SMYD3: variants seen among roughly 807,000 people sequenced by gnomAD.
SMYD3 encodes SET and MYND domain containing 3.
Under a neutral mutation model 57.7 loss-of-function variants are expected in SMYD3, and 36 were observed. The observed-to-expected ratio is 0.62, with a 90% CI of 0.48 to 0.82. The LOEUF (loss-of-function observed/expected upper bound fraction) is 0.82. Among genes scored for constraint, SMYD3 ranks in the 40% least tolerant of loss-of-function variants. The pLI, the probability that SMYD3 is intolerant of heterozygous loss-of-function variation, is 0.00. For missense variants in SMYD3, 515 were observed against 538.8 expected (o/e 0.96, Z 0.44); for synonymous variants, 211 against 195.0 (o/e 1.08, Z -0.68).
chr1:246,159,816 G>A (rs549312528), intron 5 of SMYD3, among the ~76,000 whole-genome samples: 2 of 151,988 alleles, frequency 1.3e-5, no homozygotes, highest in Admixed American at 1.3e-4. Flanking sequence ...GTCCTGGAGT[G>A]GGGGGAGTAC....
chr1:245,909,558 CTT>C (rs139813943), intron 8 of SMYD3, among the ~76,000 whole-genome samples: 1 of 151,786 alleles, frequency 6.6e-6, no homozygotes, highest in African/African-American at 2.4e-5. Context: ...CATAGACACA[CTT>C]TTTTTTCAAC....
At chr1:245,982,229 G>A (rs2058612284) in intron 5 of SMYD3, among the ~76,000 whole-genome samples, 5 of 152,140 alleles carry the variant, frequency 3.3e-5, no homozygotes. Context: ...CCACCTTCTG[G>A]GCTTAAGTGA....
chr1:246,193,469 A>C (rs1438034561), intron 5 of SMYD3, among the ~76,000 whole-genome samples: 1 of 152,226 alleles, frequency 6.6e-6, no homozygotes, highest in African/African-American at 2.4e-5. Flanking sequence ...ATAAAACTCT[A>C]GACTAAGTCC....
intron 5 of SMYD3, among the ~76,000 whole-genome samples, chr1:246,268,631 G>C (rs749196024): frequency 2.6e-5 from 4 of 152,102 alleles, no homozygotes; most frequent in Non-Finnish European, 5.9e-5. Context: ...TTGAACCTGG[G>C]AGGCGGAGGT....
chr1:246,435,952 G>A (rs1055207007), intron 1 of SMYD3, among the ~76,000 whole-genome samples: 3 of 152,166 alleles, frequency 2.0e-5, no homozygotes, highest in African/African-American at 7.2e-5. Flanking sequence ...GACCTTAATA[G>A]TCTTTGTATC....
intron 1 of SMYD3, among the ~76,000 whole-genome samples, chr1:246,373,717 T>A (rs760990817): frequency 6.6e-6 from 1 of 152,230 alleles, no homozygotes; most frequent in Non-Finnish European, 1.5e-5. Context: ...CAACTTCATC[T>A]GATGGTTCAT....
chr1:245,778,314 A>C (rs1236002470), intron 10 of SMYD3, among the ~76,000 whole-genome samples: 3 of 152,236 alleles, frequency 2.0e-5, no homozygotes, highest in African/African-American at 7.2e-5. Flanking sequence ...ACTGGCAAAG[A>C]GATAGACACA....
chr1:245,796,526 T>C (rs943688663), intron 10 of SMYD3, among the ~76,000 whole-genome samples: 1 of 152,178 alleles, frequency 6.6e-6, no homozygotes, highest in African/African-American at 2.4e-5. Flanking sequence ...GCAGCATGAA[T>C]GGGCTAGCAT....
At chr1:246,467,365 C>A (rs911690645) in intron 1 of SMYD3, among the ~76,000 whole-genome samples, 3 of 151,646 alleles carry the variant, frequency 2.0e-5, no homozygotes, top group Admixed American at 6.6e-5. Flanking sequence ...AATATAAGAG[C>A]AGAAATAAAT....
intron 2 of SMYD3, among the ~76,000 whole-genome samples, chr1:246,346,072 C>T (rs1282934469): frequency 3.3e-5 from 5 of 152,142 alleles, no homozygotes; most frequent in Non-Finnish European, 7.3e-5. Context: ...ATCAAGAGGT[C>T]AGGAGATCGA....
At chr1:245,900,983 A>G (rs1013628041) in intron 8 of SMYD3, among the ~76,000 whole-genome samples, 2 of 152,210 alleles carry the variant, frequency 1.3e-5, no homozygotes, top group African/African-American at 2.4e-5. Context: ...AGAATATTCA[A>G]CTTTTCCCAC....
intron 2 of SMYD3, among the ~76,000 whole-genome samples, chr1:246,339,793 G>T (rs1353611040): frequency 1.3e-5 from 2 of 152,200 alleles, no homozygotes; most frequent in Non-Finnish European, 2.9e-5. Flanking sequence ...GCAACAGTGG[G>T]TTTGCTATAA....
At position 246,226,396 on chromosome 1, in the gene SMYD3, GATTT is replaced by G. The variant is rs146549294; in HGVS notation, c.531+100801_531+100804del. On this transcript the variant is annotated intron_variant, in intron 5 of 11. Transcript: ENST00000490107. ...GTTAAAGATGAGGCCATGTACTACA[GATTT>G]ATTTAATCTACATGAGACCTAAGAT... Among the ~76,000 whole-genome samples, 1,150 of 152,262 alleles carry G rather than the reference GATTT, an allele frequency of 7.6e-3. 14 individuals are homozygous for G. Among genetic ancestry groups the G allele is most frequent in the African/African-American group, 0.026 (1,078 of 41,552 alleles).
At chr1:246,436,190 G>GAAA (rs56349877) in intron 1 of SMYD3, among the ~76,000 whole-genome samples, 3 of 141,430 alleles carry the variant, frequency 2.1e-5, no homozygotes. Flanking sequence ...TTTCTTATTT[G>GAAA]AAAAAAAAAA....
chr1:246,259,985 G>C (rs77072871), intron 5 of SMYD3, among the ~76,000 whole-genome samples: 2,104 of 152,242 alleles, frequency 0.014, 44 homozygotes, highest in African/African-American at 0.047. Context: ...GGCTCCCCCT[G>C]AACCAAGATC....
chr1:246,279,248 C>T (rs1206194605), intron 5 of SMYD3, among the ~76,000 whole-genome samples: 9 of 152,162 alleles, frequency 5.9e-5, no homozygotes, highest in Non-Finnish European at 1.0e-4. Flanking sequence ...CAGCCGGGCG[C>T]GGTGGCTCAC....
chr1:246,442,734 G>A (rs578188190), intron 1 of SMYD3, among the ~76,000 whole-genome samples: 2 of 152,132 alleles, frequency 1.3e-5, no homozygotes, highest in Non-Finnish European at 2.9e-5. Flanking sequence ...AAATAGGCCA[G>A]AGGTTTATGA....
intron 5 of SMYD3, among the ~76,000 whole-genome samples, chr1:246,271,081 C>A (rs2064210951): frequency 6.6e-6 from 1 of 152,160 alleles, no homozygotes; most frequent in Non-Finnish European, 1.5e-5. Context: ...TGCTAAGCAT[C>A]TTTTCATGTG....
intron 1 of SMYD3, among the ~76,000 whole-genome samples, chr1:246,478,427 G>A (rs1572039955): frequency 1.4e-5 from 2 of 144,712 alleles, no homozygotes; most frequent in Admixed American, 6.9e-5. Context: ...CCTGGAGCTG[G>A]TACATAAGTG....
Sources: gnomAD v4.1 joint callset for allele counts (sites outside exome capture counted in the v4.1 genomes callset) on GRCh38, gnomAD v4.1.1 for gene constraint, MANE v1.5 for transcripts, NCBI Gene and HGNC (gene_info 2026-07-23, HGNC 2026-07-21) for gene names.